FMO4: variants seen among roughly 807,000 people sequenced by gnomAD.
FMO4 encodes the protein dimethylaniline monooxygenase [N-oxide-forming] 4.
FMO4 carries 38 observed loss-of-function variants against 43.3 expected under a neutral mutation model. The observed-to-expected ratio is 0.88, with a 90% CI of 0.68 to 1.15. The LOEUF (loss-of-function observed/expected upper bound fraction) is 1.15. Among genes scored for constraint, FMO4 ranks in the 50% most tolerant of loss-of-function variants. FMO4 has a pLI of 0.00. For synonymous variants in FMO4, 224 were observed against 232.2 expected, an observed-to-expected ratio of 0.96 and a Z score of 0.32; for missense variants, 631 against 663.3, an observed-to-expected ratio of 0.95 and a Z score of 0.54.
chr1:171,339,100 T>C (rs45542731), intron 9 of FMO4, among the ~76,000 whole-genome samples: 6,999 of 152,244 alleles, frequency 0.046, 515 homozygotes, highest in African/African-American at 0.16. Context: ...TAATATATAA[T>C]ATGCTCATAT....
At position 171,341,785 on chromosome 1, in the gene FMO4, A is replaced by T. The variant is rs750972952; in HGVS notation, c.1623A>T (p.Arg541Ser). The T allele has an allele frequency of 3.1e-6, 5 of 1,613,740 alleles. No homozygotes were observed. In the South Asian group the frequency reaches 4.4e-5, roughly 14 times the overall value. Residue 541 changes from arginine (R) to serine (S), a missense_variant, in exon 10 of 10, where the codon AGA (arginine) becomes AGT (serine). Arg to Ser is a moderately radical substitution (Grantham distance 110). Coordinates refer to ENST00000367749, the MANE Select transcript of FMO4 (RefSeq NM_002022.3). ...CTTCACTTTTCTTGAAATTGGTGAG[A>T]GATAAACTACAGGACAGAATGTCCC... The part of the protein sequence containing the change: ...CKSSLFLKLV[R>S]DKLQDRMSPY...
At chr1:171,336,361 C>A (rs1288398938) in intron 8 of FMO4, among the ~76,000 whole-genome samples, 1 of 152,042 alleles carries the variant, frequency 6.6e-6, no homozygotes, top group Non-Finnish European at 1.5e-5. Context: ...TCTGGGGAAG[C>A]TGGACAACTG....
intron 9 of FMO4, among the ~76,000 whole-genome samples, chr1:171,338,371 A>T (rs1663207268): frequency 6.6e-6 from 1 of 151,916 alleles, no homozygotes; most frequent in South Asian, 2.1e-4. Flanking sequence ...GCCACATCAC[A>T]TTGCCCTTCT....
chr1:171,315,734 G>A (rs756866310), intron 1 of FMO4, among the ~76,000 whole-genome samples: 5 of 152,084 alleles, frequency 3.3e-5, no homozygotes, highest in Non-Finnish European at 5.9e-5. Context: ...ATTTTAAAAG[G>A]TGCTAATTCC....
intron 5 of FMO4, among the ~76,000 whole-genome samples, chr1:171,327,774 G>C (rs774439383): frequency 1.3e-5 from 2 of 152,096 alleles, no homozygotes; most frequent in Non-Finnish European, 2.9e-5. Context: ...AAATTAGCCA[G>C]GCATGGTGGC....
intron 4 of FMO4, 100 bp from the exon 5 acceptor site, chr1:171,324,038 G>C (rs1662549645): frequency 1.9e-6 from 2 of 1,073,684 alleles, no homozygotes; most frequent in Non-Finnish European, 2.6e-6. Context: ...CCTGTCATGG[G>C]ACTTGGCCTA....
intron 5 of FMO4, among the ~76,000 whole-genome samples, chr1:171,328,882 A>G (rs148170111): frequency 0.011 from 1,636 of 152,150 alleles, 35 homozygotes; most frequent in African/African-American, 0.037. Context: ...GCTTATTCTC[A>G]GATAATGAAA....
At position 171,341,558 on chromosome 1, in the gene FMO4, T is replaced by A. The variant is rs1320065800; in HGVS notation, c.1396T>A (p.Cys466Ser). The A allele has an allele frequency of 6.2e-7, 1 of 1,613,968 alleles. No individual in the cohort carries two copies. The highest frequency in any genetic ancestry group is 8.5e-7 in the Non-Finnish European group (1 of 1,179,990). Reference protein sequence around the residue: ...RLAWEVFFGPCTPYQYRLMGP... With the variant: ...RLAWEVFFGPSTPYQYRLMGP... ...AGCTTGGGAAGTTTTCTTTGGACCA[T>A]GTACTCCTTATCAGTACCGCCTCAT... is the stretch of plus-strand genomic sequence containing the variant. The change falls in exon 10 of 10, where the codon TGT becomes AGT. Residue 466 changes from cysteine to serine, a missense_variant. Transcript: ENST00000367749.
chr1:171,326,429 T>C (rs997652209), intron 5 of FMO4, among the ~76,000 whole-genome samples: 2 of 152,192 alleles, frequency 1.3e-5, no homozygotes, highest in Non-Finnish European at 2.9e-5. Context: ...TTTCAAAGAA[T>C]TTACTTGAGT....
intron 9 of FMO4, among the ~76,000 whole-genome samples, chr1:171,340,277 C>T (rs1663315184): frequency 6.6e-6 from 1 of 152,148 alleles, no homozygotes; most frequent in Non-Finnish European, 1.5e-5. Context: ...CACTGTTTCA[C>T]TGAAATGTTT....
intron 5 of FMO4, among the ~76,000 whole-genome samples, chr1:171,324,681 T>A (rs1571396319): frequency 6.6e-6 from 1 of 151,448 alleles, no homozygotes; most frequent in Admixed American, 6.6e-5. Flanking sequence ...GAGTATATGA[T>A]TTTTTTTTAA....
chr1:171,326,761 A>G (rs762933574), intron 5 of FMO4, among the ~76,000 whole-genome samples: 3 of 152,200 alleles, frequency 2.0e-5, no homozygotes, highest in Non-Finnish European at 4.4e-5. Context: ...AGAGGCAATT[A>G]TTTAACTTAT....
chr1:171,339,330 G>A (rs75123445), intron 9 of FMO4, among the ~76,000 whole-genome samples: 2,055 of 152,154 alleles, frequency 0.014, 39 homozygotes, highest in African/African-American at 0.045. Flanking sequence ...AACTATTTAT[G>A]GAGAAAAAGC....
chr1:171,325,652 G>C (rs1161207114), intron 5 of FMO4, among the ~76,000 whole-genome samples: 2 of 151,890 alleles, frequency 1.3e-5, no homozygotes, highest in African/African-American at 4.8e-5. Context: ...ACACACAACT[G>C]TACAGTACTA....
chr1:171,321,721 T>C (rs969297665), intron 3 of FMO4, among the ~76,000 whole-genome samples: 6 of 152,168 alleles, frequency 3.9e-5, no homozygotes, highest in African/African-American at 1.4e-4. Flanking sequence ...TTTTCACTCA[T>C]TCAACAAGTA....
At chr1:171,315,853 A>T (rs1023325091) in intron 1 of FMO4, among the ~76,000 whole-genome samples, 66 of 152,316 alleles carry the variant, frequency 4.3e-4, no homozygotes, top group African/African-American at 1.5e-3. Flanking sequence ...AGGTCTCTAG[A>T]CAGGGATAAT....
At chr1:171,316,973 A>G (rs1230509715) in intron 2 of FMO4, among the ~76,000 whole-genome samples, 2 of 152,170 alleles carry the variant, frequency 1.3e-5, no homozygotes, top group East Asian at 3.8e-4. Context: ...CTACAGAGCC[A>G]TAGAGAAAAA....
At chr1:171,326,599 C>A (rs1662678482) in intron 5 of FMO4, among the ~76,000 whole-genome samples, 1 of 152,162 alleles carries the variant, frequency 6.6e-6, no homozygotes, top group Non-Finnish European at 1.5e-5. Context: ...CAGGAACTCT[C>A]ATTAATTTAT....
chr1:171,319,600 T>C (rs1383982330), intron 2 of FMO4, among the ~76,000 whole-genome samples: 3 of 152,112 alleles, frequency 2.0e-5, no homozygotes, highest in South Asian at 4.1e-4. Context: ...CTAGACAGGA[T>C]AGTTAGCCCA....
Sources: allele counts gnomAD v4.1 joint callset (sites outside exome capture counted in the v4.1 genomes callset), GRCh38; gene constraint gnomAD v4.1.1; transcripts MANE v1.5; gene names NCBI Gene and HGNC (gene_info 2026-07-23, HGNC 2026-07-21).